The following AGPAT3 variants were observed in gnomAD, a reference collection of about 807,000 sequenced individuals.
AGPAT3 encodes the protein 1-acyl-sn-glycerol-3-phosphate acyltransferase gamma.
In AGPAT3, 5 loss-of-function variants were observed where a neutral mutation model predicts 47.3. The ratio of observed to expected loss-of-function variants is 0.11; its 90% CI spans 0.06 to 0.22. The LOEUF (loss-of-function observed/expected upper bound fraction) is 0.22, where lower values mean the gene tolerates loss of function less well. Among genes scored for constraint, AGPAT3 ranks in the 10% least tolerant of loss-of-function variants. AGPAT3 has a pLI of 1.00. For missense variants in AGPAT3, 315 were observed against 493.0 expected (o/e 0.64, Z 3.42); for synonymous variants, 212 against 208.3 (o/e 1.02, Z -0.15).
intron 2 of AGPAT3, among the ~76,000 whole-genome samples, chr21:43,943,459 C>G (rs1476824389): frequency 6.6e-6 from 1 of 152,212 alleles, no homozygotes; most frequent in Non-Finnish European, 1.5e-5. Context: ...CTACTGTATA[C>G]CAGGCACTGG....
chr21:43,867,642 C>G (rs773807744), intron 1 of AGPAT3: 15 of 152,356 alleles, frequency 9.8e-5, no homozygotes, highest in Admixed American at 3.9e-4. Context: ...CCTCTCTGGC[C>G]TTGTCAAAAA....
At chr21:43,901,320 TAAA>T (rs34649071) in intron 1 of AGPAT3, among the ~76,000 whole-genome samples, 6,297 of 128,982 alleles carry the variant, frequency 0.049, 256 homozygotes, top group African/African-American at 0.11. Context: ...GAAACTCTGT[TAAA>T]AAAAAAAAAA....
intron 2 of AGPAT3, among the ~76,000 whole-genome samples, chr21:43,907,634 G>A (rs1374604782): frequency 7.2e-5 from 11 of 152,180 alleles, no homozygotes; most frequent in South Asian, 4.1e-4. Context: ...GGAGAATGGC[G>A]TGAACCCGGG....
chr21:43,938,611 G>A (rs1193635315), intron 2 of AGPAT3, among the ~76,000 whole-genome samples: 1 of 152,068 alleles, frequency 6.6e-6, no homozygotes, highest in East Asian at 1.9e-4. Context: ...CTTCTATTTT[G>A]TTCAGACACT....
intron 2 of AGPAT3, among the ~76,000 whole-genome samples, chr21:43,915,568 T>C (rs559503950): frequency 6.6e-6 from 1 of 151,662 alleles, no homozygotes; most frequent in East Asian, 1.9e-4. Flanking sequence ...TGCACCACCA[T>C]GCCTGGCTAA....
Position 43,875,323 on chromosome 21 carries a change from A to G in AGPAT3, c.-112+9978A>G, listed in dbSNP as rs955671055. On this transcript the variant is annotated intron_variant, in intron 1 of 9. Transcript: ENST00000291572. ...ATAACTTCATTAATGTGGATTTAAT[A>G]TAGTAGAGAGCAGCAAATTCAAGTT... 6.6e-5 allele frequency among the ~76,000 whole-genome samples: 10 copies of G among 152,262 alleles called. 1 individual carries two copies. Among genetic ancestry groups the G allele is most frequent in the Admixed American group, 5.9e-4 (9 of 15,280 alleles).
chr21:43,918,239 T>TGTTGCGGCG (rs1302602308), intron 2 of AGPAT3, among the ~76,000 whole-genome samples: 7 of 151,236 alleles, frequency 4.6e-5, no homozygotes, highest in Admixed American at 1.3e-4. Context: ...GTGTTGTGGG[T>TGTTGCGGCG]GTTGTAGGTG....
In AGPAT3 at chr21:43,982,003, C is replaced by T. The variant is rs1033495153; in HGVS notation, c.1043-301C>T. The stretch of plus-strand genomic sequence containing the variant: ...GCAAGGCCGAGCTGTTAGAATGCCC[C>T]GAAGCCCTTCTGCTCCCACCAGCCA... On this transcript the variant is annotated intron_variant, in intron 9 of 9. Transcript: ENST00000291572. This position sits in a 1 kb window ranked among gnomAD's most constrained non-coding sequence, Gnocchi z 6.2. 1.3e-5 allele frequency among the ~76,000 whole-genome samples: 2 copies of T among 152,228 alleles called. No homozygotes were observed. Among genetic ancestry groups the T allele is most frequent in the Admixed American group, 6.5e-5 (1 of 15,286 alleles).
intron 1 of AGPAT3, among the ~76,000 whole-genome samples, chr21:43,879,983 GTGGGT>G (rs2085821154): frequency 6.6e-6 from 1 of 152,198 alleles, no homozygotes; most frequent in South Asian, 2.1e-4. Context: ...CTGAGAAGAC[GTGGGT>G]TCTGCCCGTC....
chr21:43,965,871 C>G (rs1268460966), intron 3 of AGPAT3: 4 of 152,156 alleles, frequency 2.6e-5, no homozygotes, highest in Admixed American at 2.6e-4. Flanking sequence ...TCTCGGCCTC[C>G]CAAAGTGCTG....
At chr21:43,902,760 AG>A (rs1479533244) in intron 1 of AGPAT3, among the ~76,000 whole-genome samples, 1 of 152,212 alleles carries the variant, frequency 6.6e-6, no homozygotes, top group Non-Finnish European at 1.5e-5. Flanking sequence ...GCACTTTGGG[AG>A]GGCGAGGCAG....
In AGPAT3 at chr21:43,970,578, A is replaced by T; in HGVS notation, c.511-75A>T. ...AGCCACAACCTTTGCTGCCTGTCAG[A>T]GAGGCAGGCCTGGCCTGGACATGCA... On this transcript the variant is annotated intron_variant, in intron 5 of 9. Coordinates refer to ENST00000291572, the MANE Select transcript of AGPAT3 (RefSeq NM_020132.5). This position sits in a 1 kb window ranked among gnomAD's most constrained non-coding sequence, Gnocchi z 5.8. 1 of 1,497,332 alleles carries T rather than the reference A, an allele frequency of 6.7e-7. No individual in the cohort carries two copies. The highest frequency in any genetic ancestry group is 9.1e-7 in the Non-Finnish European group (1 of 1,095,026). 92.8% of individuals were successfully genotyped at this position (1,497,332 alleles called of 1,614,324 possible).
chr21:43,907,909 C>T lies in AGPAT3; in HGVS notation c.-49+3890C>T, dbSNP rs541205862. Among the ~76,000 whole-genome samples, 42 of 152,336 alleles carry T rather than the reference C, an allele frequency of 2.8e-4. No individual in the cohort carries two copies. In the South Asian group the frequency reaches 3.1e-3, roughly 11 times the overall value. On this transcript the variant is annotated intron_variant, in intron 2 of 9. Transcript: ENST00000291572. ...CCACACGTTTGTCGATTCCCCTGCT[C>T]GGGTGTTTGCGCGCCCTCTCCGTCG... is the stretch of plus-strand genomic sequence containing the variant.
chr21:43,982,062 G>A lies in AGPAT3; in HGVS notation c.1043-242G>A, dbSNP rs2089872323. 1.3e-5 allele frequency among the ~76,000 whole-genome samples: 2 copies of A among 152,220 alleles called. No homozygotes were observed. Among genetic ancestry groups the A allele is most frequent in the Non-Finnish European group, 2.9e-5 (2 of 68,038 alleles). ...GAGGGGCAGGCAGGGCAAGGTCCACGTGTCCACCTGCCTCGGACCCAGCCG... is the reference window on the plus strand; with the variant it reads ...GAGGGGCAGGCAGGGCAAGGTCCACATGTCCACCTGCCTCGGACCCAGCCG... On this transcript the variant is annotated intron_variant, in intron 9 of 9. Transcript: ENST00000291572. The surrounding 1 kb of genome is among the most constrained non-coding windows in gnomAD (Gnocchi z 6.2).
chr21:43,966,100 G>C (rs367796341), intron 3 of AGPAT3: 2 of 152,240 alleles, frequency 1.3e-5, no homozygotes, highest in South Asian at 4.1e-4. Flanking sequence ...CAGTTAGCCA[G>C]CGTCAGCCGA....
chr21:43,951,924 G>T (rs990743388), intron 2 of AGPAT3, among the ~76,000 whole-genome samples: 1 of 152,170 alleles, frequency 6.6e-6, no homozygotes, highest in Non-Finnish European at 1.5e-5. Context: ...GGCAAAGAAG[G>T]GGGGTCTCTG....
intron 1 of AGPAT3, among the ~76,000 whole-genome samples, chr21:43,888,398 G>GAT (rs10589486): frequency 1.1e-4 from 17 of 151,616 alleles, no homozygotes; most frequent in South Asian, 8.3e-4. Flanking sequence ...TTTTGTGTAG[G>GAT]ATATATATAT....
chr21:43,985,424 CGAT>C lies in AGPAT3; in HGVS notation c.*3035_*3037del, dbSNP rs1406334228. 3.0e-6 allele frequency: 1 copy of C among 332,314 alleles called. No individual in the cohort carries two copies. Among genetic ancestry groups the C allele is most frequent in the Non-Finnish European group, 5.9e-6 (1 of 170,108 alleles). 20.6% of individuals were successfully genotyped at this position (332,314 alleles called of 1,614,324 possible). A position where few individuals can be genotyped will look rare whatever the true frequency, so the allele number is the denominator to read the frequency against. On this transcript the variant is annotated 3_prime_UTR_variant, in exon 10 of 10. Coordinates refer to ENST00000291572, the MANE Select transcript of AGPAT3 (RefSeq NM_020132.5). ...AAAAAAAAAAAAAAGCACGTCCTGTCGATGAATTTTGAGTCTCTCTGCCTTGCC... is the reference window on the plus strand; with the variant it reads ...AAAAAAAAAAAAAAGCACGTCCTGTCGAATTTTGAGTCTCTCTGCCTTGCC...
intron 2 of AGPAT3, among the ~76,000 whole-genome samples, chr21:43,944,618 A>G (rs901048490): frequency 1.3e-5 from 2 of 152,244 alleles, no homozygotes; most frequent in Non-Finnish European, 2.9e-5. Flanking sequence ...CTTGTTCCTC[A>G]GACAGGAGAT....
Sources: gnomAD v4.1 joint callset for allele counts (sites outside exome capture counted in the v4.1 genomes callset) on GRCh38, gnomAD v4.1.1 for gene constraint, Gnocchi (gnomAD v3.1) non-coding constraint, MANE v1.5 for transcripts, NCBI Gene and HGNC (gene_info 2026-07-23, HGNC 2026-07-21) for gene names.